Variants in COX16 observed in about 807,000 individuals in gnomAD.
The protein encoded by COX16 is cytochrome c oxidase assembly factor COX16.
COX16 carries 12 observed loss-of-function variants against 15.4 expected under a neutral mutation model. The observed-to-expected ratio is 0.78, with a 90% CI of 0.50 to 1.26. COX16 has a LOEUF of 1.26. Ranked by LOEUF, COX16 falls within the 50% of genes most tolerant of loss-of-function variation. COX16 has a pLI of 0.00. For missense variants in COX16, 124 were observed against 127.6 expected (o/e 0.97, Z 0.14); for synonymous variants, 46 against 41.1 (o/e 1.12, Z -0.46).
At chr14:70,331,898 T>TA (rs889895251) in intron 2 of COX16, among the ~76,000 whole-genome samples, 1 of 152,152 alleles carries the variant, frequency 6.6e-6, no homozygotes, top group Non-Finnish European at 1.5e-5. Context: ...CTATCCACAG[T>TA]AAAAAGTCTT....
chr14:70,328,163 C>T (rs1886152309), intron 3 of COX16: 1 of 132,554 alleles, frequency 7.5e-6, no homozygotes, highest in African/African-American at 2.8e-5. Context: ...TCTTTAGACT[C>T]ACCCCAACAA....
chr14:70,340,618 C>T (rs1386445606), intron 2 of COX16, among the ~76,000 whole-genome samples: 2 of 152,162 alleles, frequency 1.3e-5, no homozygotes, highest in Non-Finnish European at 2.9e-5. Context: ...ATCTATGCTA[C>T]TGCCCCAGAA....
At chr14:70,353,257 C>CAAAA (rs200170156) in intron 1 of COX16, among the ~76,000 whole-genome samples, 1 of 126,288 alleles carries the variant, frequency 7.9e-6, no homozygotes, top group East Asian at 2.2e-4. Flanking sequence ...GAGACTCTGT[C>CAAAA]AAAAAAAAAA....
At chr14:70,331,438 G>GA (rs1405702128) in intron 2 of COX16, among the ~76,000 whole-genome samples, 3 of 151,800 alleles carry the variant, frequency 2.0e-5, no homozygotes, top group Admixed American at 6.6e-5. Flanking sequence ...TAATCCAGTA[G>GA]AAAAAAATGA....
intron 1 of COX16, among the ~76,000 whole-genome samples, chr14:70,356,778 T>TA (rs1363704216): frequency 2.6e-5 from 4 of 152,118 alleles, no homozygotes; most frequent in Admixed American, 6.5e-5. Context: ...AGAATATTTG[T>TA]AAAAAATTGT....
At chr14:70,340,896 C>A (rs182308863) in intron 2 of COX16, among the ~76,000 whole-genome samples, 4 of 152,284 alleles carry the variant, frequency 2.6e-5, no homozygotes, top group African/African-American at 9.6e-5. Context: ...CTATACACCT[C>A]TCCTTGAACG....
At position 70,326,312 on chromosome 14, in the gene COX16, A is replaced by T. The variant is rs1340473227; in HGVS notation, c.*21T>A. 1.3e-5 allele frequency: 19 copies of T among 1,418,946 alleles called. No homozygotes were observed. The highest frequency in any genetic ancestry group is 3.0e-5 in the South Asian group (2 of 65,578). The allele number at this position is 1,418,946 out of a possible 1,614,324, so 87.9% of individuals were successfully genotyped here. ...ATATTTTTATTTAAAAAAAAAAAAA[A>T]GGAAAAAAGAATCAGCAGAGTCAAG... On this transcript the variant is annotated 3_prime_UTR_variant, in exon 4 of 4. Transcript: ENST00000389912.
chr14:70,338,117 G>T (rs917119542), intron 2 of COX16, among the ~76,000 whole-genome samples: 2 of 152,076 alleles, frequency 1.3e-5, no homozygotes, highest in African/African-American at 2.4e-5. Context: ...GGCTTTTTGG[G>T]TCTCTTGTTT....
At chr14:70,347,117 C>T (rs559447741) in intron 1 of COX16, among the ~76,000 whole-genome samples, 116 of 152,228 alleles carry the variant, frequency 7.6e-4, no homozygotes, top group African/African-American at 2.6e-3. Flanking sequence ...GTTCCTATCA[C>T]AGAAGCAGTA....
chr14:70,357,737 T>G (rs1413966329), intron 1 of COX16, among the ~76,000 whole-genome samples: 7 of 152,180 alleles, frequency 4.6e-5, no homozygotes, highest in Non-Finnish European at 1.0e-4. Context: ...ATTCAAAAGA[T>G]GGACAATAAC....
intron 1 of COX16, among the ~76,000 whole-genome samples, chr14:70,356,551 A>G (rs968301919): frequency 2.6e-5 from 4 of 152,210 alleles, no homozygotes; most frequent in Non-Finnish European, 4.4e-5. Context: ...GAGAGATGCT[A>G]ACACAGAGAT....
chr14:70,347,382 A>G (rs1886815530), intron 1 of COX16, among the ~76,000 whole-genome samples: 1 of 152,080 alleles, frequency 6.6e-6, no homozygotes. Context: ...CCTGTTCTAT[A>G]CCTAAAGGAT....
intron 1 of COX16, among the ~76,000 whole-genome samples, chr14:70,346,126 C>T (rs1302926296): frequency 1.3e-5 from 2 of 152,152 alleles, no homozygotes; most frequent in East Asian, 3.8e-4. Context: ...CCCTTCAAAC[C>T]CTCAGAACGA....
intron 2 of COX16, among the ~76,000 whole-genome samples, chr14:70,335,003 A>G (rs1886405596): frequency 1.3e-5 from 2 of 152,212 alleles, no homozygotes; most frequent in African/African-American, 4.8e-5. Context: ...GTGAAGGAAT[A>G]GAAAAAGATA....
intron 1 of COX16, among the ~76,000 whole-genome samples, chr14:70,346,927 G>C (rs556629244): frequency 6.6e-6 from 1 of 151,830 alleles, no homozygotes; most frequent in Non-Finnish European, 1.5e-5. Flanking sequence ...AGTACCCAAC[G>C]CATCAACCCA....
intron 1 of COX16, among the ~76,000 whole-genome samples, chr14:70,357,793 G>A (rs1224701191): frequency 6.6e-6 from 1 of 152,188 alleles, no homozygotes; most frequent in African/African-American, 2.4e-5. Context: ...TATCTTGCTG[G>A]TGGGAATGTA....
intron 2 of COX16, among the ~76,000 whole-genome samples, chr14:70,331,402 T>TA (rs1239085837): frequency 6.6e-6 from 1 of 151,318 alleles, no homozygotes; most frequent in Admixed American, 6.6e-5. Context: ...AAAAGACTCC[T>TA]AAAAAATAGT....
At chr14:70,338,888 G>A (rs146562030) in intron 2 of COX16, among the ~76,000 whole-genome samples, 4 of 152,078 alleles carry the variant, frequency 2.6e-5, no homozygotes, top group Admixed American at 6.5e-5. Flanking sequence ...TCTTGTTTGC[G>A]TATTGTGCAG....
intron 1 of COX16, among the ~76,000 whole-genome samples, chr14:70,344,019 TA>T: frequency 6.6e-6 from 1 of 152,258 alleles, no homozygotes; most frequent in African/African-American, 2.4e-5. Context: ...GTTGGACTCA[TA>T]GGGGGCAAAG....
Sources: allele counts gnomAD v4.1 joint callset (sites outside exome capture counted in the v4.1 genomes callset), GRCh38; gene constraint gnomAD v4.1.1; transcripts MANE v1.5; gene names NCBI Gene and HGNC (gene_info 2026-07-23, HGNC 2026-07-21).